TEF: variants seen among roughly 807,000 people sequenced by gnomAD.
TEF encodes the protein TEF transcription factor, PAR bZIP family member.
In TEF, 3 loss-of-function variants were observed where a neutral mutation model predicts 20.8. The ratio of observed to expected loss-of-function variants is 0.14; its 90% CI spans 0.07 to 0.37. The LOEUF is 0.37. Ranked by LOEUF, TEF falls within the 10% of genes least tolerant of loss-of-function variation. TEF has a pLI of 1.00. For synonymous variants in TEF, 180 were observed against 171.1 expected (o/e 1.05, Z -0.41); for missense variants, 296 against 397.9 (o/e 0.74, Z 2.18).
Position 41,368,940 on chromosome 22 carries a change from C to CT in TEF, c.67+1347dup, listed in dbSNP as rs1041313329. ...ACACCCACAAACAAGCCACAGCTGA[C>CT]TTTTTTGGCATCTCTGAGTGGCCTG... On this transcript the variant is annotated intron_variant, in intron 1 of 3. Coordinates refer to the TEF transcript ENST00000406644. 67 of 474,130 alleles carry CT rather than the reference C, an allele frequency of 1.4e-4. 2 individuals carry two copies. The highest frequency in any genetic ancestry group is 2.1e-3 in the Middle Eastern group (2 of 934). The allele number at this position is 474,130 out of a possible 1,614,324, so 29.4% of individuals were successfully genotyped here.
intron 1 of TEF, among the ~76,000 whole-genome samples, chr22:41,375,008 C>A (rs1368155302): frequency 6.6e-6 from 1 of 152,160 alleles, no homozygotes; most frequent in Non-Finnish European, 1.5e-5. Flanking sequence ...GAGTCAGCCC[C>A]AGGGGGTCTG....
chr22:41,367,779 G>A (rs1487552740), intron 1 of TEF, among the ~76,000 whole-genome samples: 5 of 152,176 alleles, frequency 3.3e-5, no homozygotes, highest in African/African-American at 9.7e-5. Flanking sequence ...GTGTCACACC[G>A]GCTCTGGGAC....
intron 2 of TEF, among the ~76,000 whole-genome samples, chr22:41,390,134 A>G (rs921067136): frequency 6.6e-6 from 1 of 152,070 alleles, no homozygotes; most frequent in African/African-American, 2.4e-5. Context: ...CAGGTGATCC[A>G]CCTGCCTCAC....
intron 1 of TEF, among the ~76,000 whole-genome samples, chr22:41,376,721 T>C (rs1179426502): frequency 6.6e-6 from 1 of 152,044 alleles, no homozygotes; most frequent in Non-Finnish European, 1.5e-5. Flanking sequence ...CCAACACAGC[T>C]TGAACGGAAG....
In TEF at chr22:41,397,264, T is replaced by C. The variant is rs1188513411; in HGVS notation, c.*1304T>C. 2 of 397,356 alleles carry C rather than the reference T, an allele frequency of 5.0e-6. No individual in the cohort carries two copies. Among genetic ancestry groups the C allele is most frequent in the Non-Finnish European group, 4.4e-6 (1 of 225,664 alleles). 24.6% of individuals were successfully genotyped at this position (397,356 alleles called of 1,614,324 possible). A position where few individuals can be genotyped will look rare whatever the true frequency, so the allele number is the denominator to read the frequency against. On this transcript the variant is annotated 3_prime_UTR_variant, in exon 4 of 4. Coordinates refer to ENST00000266304, the MANE Select transcript of TEF (RefSeq NM_003216.4). ...GCCATGCTGTGGCTTCTCACAGCTG[T>C]GGTCTCCCCTGCCTCACAACGACTC...
chr22:41,388,186 CAG>C (rs2037122888), intron 2 of TEF, among the ~76,000 whole-genome samples: 1 of 151,470 alleles, frequency 6.6e-6, no homozygotes, highest in African/African-American at 2.4e-5. Flanking sequence ...TTAGTAGAGA[CAG>C]AGTTTCATCA....
chr22:41,387,622 C>G lies in TEF; in HGVS notation c.429C>G (p.Ser143=). 6.2e-7 allele frequency: 1 copy of G among 1,614,150 alleles called. No individual in the cohort carries two copies. Among genetic ancestry groups the G allele is most frequent in the Non-Finnish European group, 8.5e-7 (1 of 1,180,000 alleles). The part of the protein sequence containing the change: ...SASSSTASPP[S]SSTAIFQPSE... ...GCTCTTCCACAGCATCCCCACCATCCTCCTCCACTGCCATCTTTCAGCCCT... is the reference window on the plus strand; with the variant it reads ...GCTCTTCCACAGCATCCCCACCATCGTCCTCCACTGCCATCTTTCAGCCCT... The change falls in exon 2 of 4, where the codon TCC becomes TCG. Residue 143 remains serine (S), a synonymous_variant. Transcript: ENST00000266304.
intron 1 of TEF, among the ~76,000 whole-genome samples, chr22:41,374,599 C>T (rs912181216): frequency 6.6e-6 from 1 of 151,302 alleles, no homozygotes; most frequent in African/African-American, 2.4e-5. Flanking sequence ...ACCTGAAATC[C>T]GAGCTACTCT....
chr22:41,369,207 G>C (rs536299142), intron 1 of TEF: 1 of 985,252 alleles, frequency 1.0e-6, no homozygotes, highest in South Asian at 4.7e-5. Context: ...AGCAGCTGCC[G>C]GTCTCTGGCT....
chr22:41,388,309 AT>A (rs2037124400), intron 2 of TEF, among the ~76,000 whole-genome samples: 1 of 151,640 alleles, frequency 6.6e-6, no homozygotes, highest in Non-Finnish European at 1.5e-5. Context: ...TAATTTTTGT[AT>A]TTTTAGTAGA....
At chr22:41,367,501 TG>T (rs1276001063) in exon 1 of TEF, 1 of 1,548,258 alleles carries the variant, frequency 6.5e-7, no homozygotes, top group Admixed American at 2.0e-5. Context: ...CTGGGCTGTG[TG>T]AGCTGCGACT....
chr22:41,369,221 A>G, intron 1 of TEF: 1 of 985,418 alleles, frequency 1.0e-6, no homozygotes, highest in South Asian at 4.7e-5. Flanking sequence ...TCTGGCTCCC[A>G]GCTGGTCTGT....
rs758494386 is a variant in TEF, at chr22:41,395,966, G to GC, written c.*12dup. ...CCAAATACGGGCCCTTGTAACCCGT[G>GC]CCCCCCGCCCGGGCGGGGTACTGCC... On this transcript the variant is annotated 3_prime_UTR_variant, in exon 4 of 4. Coordinates refer to ENST00000266304, the MANE Select transcript of TEF (RefSeq NM_003216.4). The GC allele has an allele frequency of 5.0e-6, 8 of 1,605,766 alleles. No homozygotes were observed. In the South Asian group the frequency reaches 7.7e-5, roughly 15 times the overall value.
At chr22:41,385,228 C>T (rs1234059111) in intron 1 of TEF, among the ~76,000 whole-genome samples, 5 of 151,914 alleles carry the variant, frequency 3.3e-5, no homozygotes, top group Non-Finnish European at 2.9e-5. Flanking sequence ...GGCATGGTAG[C>T]GCATGCCTGT....
At chr22:41,373,767 C>CT (rs34394084) in intron 1 of TEF, among the ~76,000 whole-genome samples, 28,729 of 125,212 alleles carry the variant, frequency 0.23, 3,917 homozygotes, top group Admixed American at 0.41. Flanking sequence ...CACGCCCGGA[C>CT]TTTTTTTTTT....
intron 1 of TEF, chr22:41,369,805 G>T (rs1365457952): frequency 1.5e-6 from 1 of 662,960 alleles, no homozygotes; most frequent in Non-Finnish European, 1.9e-6. Context: ...CAGAGGCCAG[G>T]TGCTCCAGAA....
intron 2 of TEF, among the ~76,000 whole-genome samples, chr22:41,391,341 T>G (rs2037163241): frequency 1.3e-5 from 2 of 151,794 alleles, no homozygotes; most frequent in Non-Finnish European, 2.9e-5. Flanking sequence ...CTTTTTTTTT[T>G]TTTTAAGACA....
intron 1 of TEF, among the ~76,000 whole-genome samples, chr22:41,385,665 C>T (rs921846497): frequency 6.6e-6 from 1 of 152,172 alleles, no homozygotes; most frequent in African/African-American, 2.4e-5. Context: ...AGATGCTAAT[C>T]CTACAGCCTA....
chr22:41,372,878 G>A (rs1376335592), intron 1 of TEF, among the ~76,000 whole-genome samples: 1 of 152,102 alleles, frequency 6.6e-6, no homozygotes, highest in East Asian at 1.9e-4. Context: ...TTCAGGCTGT[G>A]GGAAGAGCAC....
Sources: gnomAD v4.1 joint callset for allele counts (sites outside exome capture counted in the v4.1 genomes callset) on GRCh38, gnomAD v4.1.1 for gene constraint, MANE v1.5 for transcripts, NCBI Gene and HGNC (gene_info 2026-07-23, HGNC 2026-07-21) for gene names.